The following CDH12 variants were observed in gnomAD, a reference collection of about 807,000 sequenced individuals.
The protein encoded by CDH12 is cadherin-12.
A neutral mutation model predicts 74.1 loss-of-function variants in CDH12; 41 were observed. That is an observed-to-expected ratio of 0.55 (90% CI 0.43 to 0.72). CDH12 has a LOEUF of 0.72. Among genes scored for constraint, CDH12 ranks in the 30% least tolerant of loss-of-function variants. CDH12 has a pLI of 0.00. For missense variants in CDH12, 945 were observed against 977.2 expected, an observed-to-expected ratio of 0.97 and a Z score of 0.44; for synonymous variants, 399 against 355.0, an observed-to-expected ratio of 1.12 and a Z score of -1.39.
intron 1 of CDH12, among the ~76,000 whole-genome samples, chr5:22,637,923 T>C (rs1207361257): frequency 1.3e-5 from 2 of 152,208 alleles, no homozygotes; most frequent in Non-Finnish European, 2.9e-5. Flanking sequence ...TCTTGGCAAT[T>C]CATCTGACAG....
intron 10 of CDH12, 116 bp from the exon 11 acceptor site, chr5:21,783,610 C>T (rs1184440891): frequency 6.9e-6 from 5 of 720,544 alleles, no homozygotes; most frequent in Non-Finnish European, 1.2e-5. Context: ...ACCCACCTTG[C>T]AATAAAGAAG....
At chr5:21,823,871 A>G (rs1396578681) in intron 8 of CDH12, among the ~76,000 whole-genome samples, 2 of 152,146 alleles carry the variant, frequency 1.3e-5, no homozygotes, top group Non-Finnish European at 2.9e-5. Flanking sequence ...AAGATATGAT[A>G]CAAACTTTTT....
intron 6 of CDH12, among the ~76,000 whole-genome samples, chr5:21,947,367 G>A (rs1755626710): frequency 6.6e-6 from 1 of 152,158 alleles, no homozygotes; most frequent in Middle Eastern, 3.2e-3. Flanking sequence ...ACTTCCTAGG[G>A]ACTTGTGGAA....
chr5:22,510,505 A>AT, intron 1 of CDH12, among the ~76,000 whole-genome samples: 1 of 152,336 alleles, frequency 6.6e-6, no homozygotes, highest in East Asian at 1.9e-4. Flanking sequence ...CCCACCATGC[A>AT]GATGCACAAA....
chr5:22,167,772 T>C (rs1206296270), intron 4 of CDH12, among the ~76,000 whole-genome samples: 1 of 152,140 alleles, frequency 6.6e-6, no homozygotes, highest in Non-Finnish European at 1.5e-5. Flanking sequence ...TGTCTGTGAC[T>C]CCCTTAGGTC....
intron 6 of CDH12, among the ~76,000 whole-genome samples, chr5:21,920,056 CAT>C (rs924934247): frequency 8.6e-5 from 13 of 152,046 alleles, no homozygotes; most frequent in Non-Finnish European, 1.8e-4. Flanking sequence ...AATATTAGGA[CAT>C]ATATTATTTT....
chr5:22,260,563 C>T (rs546713117), intron 3 of CDH12, among the ~76,000 whole-genome samples: 1 of 152,048 alleles, frequency 6.6e-6, no homozygotes, highest in South Asian at 2.1e-4. Flanking sequence ...AAACAAAAAG[C>T]AAGATACCTA....
intron 1 of CDH12, among the ~76,000 whole-genome samples, chr5:22,579,290 A>G (rs1302547379): frequency 2.0e-5 from 3 of 152,172 alleles, no homozygotes; most frequent in Non-Finnish European, 4.4e-5. Context: ...GAAAATGAAT[A>G]TATTCATGAA....
intron 11 of CDH12, among the ~76,000 whole-genome samples, chr5:21,768,067 A>C (rs1278415663): frequency 6.6e-6 from 1 of 151,900 alleles, no homozygotes; most frequent in Non-Finnish European, 1.5e-5. Flanking sequence ...TGAAAATAAC[A>C]CCATATGGAA....
intron 3 of CDH12, among the ~76,000 whole-genome samples, chr5:22,331,233 C>A (rs1031155950): frequency 3.9e-5 from 6 of 152,142 alleles, no homozygotes; most frequent in African/African-American, 1.4e-4. Context: ...CCTGGGGGAG[C>A]TTGCCATTCT....
chr5:22,621,694 T>C (rs915479235), intron 1 of CDH12, among the ~76,000 whole-genome samples: 2 of 152,128 alleles, frequency 1.3e-5, no homozygotes, highest in African/African-American at 4.8e-5. Context: ...ACTACAGTTG[T>C]TGGAGTTTAT....
chr5:22,841,096 G>A (rs993929185), intron 1 of CDH12, among the ~76,000 whole-genome samples: 6 of 152,192 alleles, frequency 3.9e-5, no homozygotes, highest in Admixed American at 6.5e-5. Flanking sequence ...GACATGATCT[G>A]CCATATTCTA....
intron 1 of CDH12, among the ~76,000 whole-genome samples, chr5:22,696,068 C>T (rs1742340179): frequency 6.6e-6 from 1 of 152,056 alleles, no homozygotes; most frequent in Non-Finnish European, 1.5e-5. Flanking sequence ...AGTGTCCATC[C>T]TTAAAAACAT....
At chr5:22,711,679 ATT>A (rs1357463169) in intron 1 of CDH12, among the ~76,000 whole-genome samples, 1 of 152,074 alleles carries the variant, frequency 6.6e-6, no homozygotes, top group African/African-American at 2.4e-5. Context: ...TTCATAGGAA[ATT>A]TTTTATTGCT....
At chr5:22,688,416 T>G (rs1358467296) in intron 1 of CDH12, among the ~76,000 whole-genome samples, 1 of 152,246 alleles carries the variant, frequency 6.6e-6, no homozygotes, top group Non-Finnish European at 1.5e-5. Context: ...TTTTCACATC[T>G]TTTGAATTTA....
At chr5:22,429,404 G>A (rs1359626143) in intron 2 of CDH12, among the ~76,000 whole-genome samples, 2 of 152,078 alleles carry the variant, frequency 1.3e-5, no homozygotes, top group African/African-American at 4.8e-5. Context: ...CTCCCAAAGT[G>A]CTGGTATTAC....
At chr5:22,632,031 G>C (rs1429768871) in intron 1 of CDH12, among the ~76,000 whole-genome samples, 1 of 152,136 alleles carries the variant, frequency 6.6e-6, no homozygotes, top group Non-Finnish European at 1.5e-5. Flanking sequence ...CATCAACAAA[G>C]AAGGGAACAC....
At chr5:22,014,221 A>G (rs577087857) in intron 5 of CDH12, among the ~76,000 whole-genome samples, 1 of 152,010 alleles carries the variant, frequency 6.6e-6, no homozygotes, top group Non-Finnish European at 1.5e-5. Context: ...ACAGAGCAAG[A>G]CTCCTCCGTC....
intron 1 of CDH12, among the ~76,000 whole-genome samples, chr5:22,518,312 A>G (rs965319550): frequency 1.3e-5 from 2 of 152,220 alleles, no homozygotes; most frequent in African/African-American, 2.4e-5. Flanking sequence ...CACAAGGAAA[A>G]TGTAGCAGAA....
Sources: allele counts gnomAD v4.1 joint callset (sites outside exome capture counted in the v4.1 genomes callset), GRCh38; gene constraint gnomAD v4.1.1; transcripts MANE v1.5; gene names NCBI Gene and HGNC (gene_info 2026-07-23, HGNC 2026-07-21).